CACNG4: variants seen among roughly 807,000 people sequenced by gnomAD.
The protein encoded by CACNG4 is voltage-dependent calcium channel gamma-4 subunit.
Under a neutral mutation model 22.9 loss-of-function variants are expected in CACNG4, and 8 were observed. The ratio of observed to expected loss-of-function variants is 0.35; its 90% CI spans 0.21 to 0.63. CACNG4 has a LOEUF of 0.63. Among genes scored for constraint, CACNG4 ranks in the 30% least tolerant of loss-of-function variants. The probability of loss-of-function intolerance (pLI) is 0.72; values close to 1 mark genes in which losing one functional copy is unlikely to be tolerated. For missense variants in CACNG4, 357 were observed against 455.4 expected, an observed-to-expected ratio of 0.78 and a Z score of 1.97; for synonymous variants, 188 against 191.9, an observed-to-expected ratio of 0.98 and a Z score of 0.17.
chr17:67,005,460 C>T (rs1381756319), intron 1 of CACNG4, among the ~76,000 whole-genome samples: 1 of 152,252 alleles, frequency 6.6e-6, no homozygotes, highest in Non-Finnish European at 1.5e-5. Context: ...AATCACTGCA[C>T]AGGTGCTCAC....
chr17:66,964,894 G>A lies in CACNG4; in HGVS notation c.-18G>A. On this transcript the variant is annotated 5_prime_UTR_variant, in exon 1 of 4. Coordinates refer to ENST00000262138, the MANE Select transcript of CACNG4 (RefSeq NM_014405.4). ...CGGCGGGCCGGGCCGGCGGGCGGCG[G>A]ACTATGAGGCGCCCACCATGGTGCG... is the stretch of plus-strand genomic sequence containing the variant. 2.1e-6 allele frequency: 3 copies of A among 1,452,448 alleles called. No individual in the cohort carries two copies. The highest frequency in any genetic ancestry group is 1.8e-6 in the Non-Finnish European group (2 of 1,098,104). 90.0% of individuals were successfully genotyped at this position (1,452,448 alleles called of 1,614,324 possible). A position where few individuals can be genotyped will look rare whatever the true frequency, so the allele number is the denominator to read the frequency against.
At chr17:67,023,817 T>C (rs895496178) in intron 2 of CACNG4, among the ~76,000 whole-genome samples, 59 of 152,114 alleles carry the variant, frequency 3.9e-4, no homozygotes, top group African/African-American at 1.4e-3. Flanking sequence ...CCTCAGGTGA[T>C]CTGCCTGCCT....
rs1204084303 is a variant in CACNG4, at chr17:67,014,329, G to A, written c.221-3860G>A. Among the ~76,000 whole-genome samples, 5 of 152,124 alleles carry A rather than the reference G, an allele frequency of 3.3e-5. No homozygotes were observed. In the South Asian group the frequency reaches 8.3e-4, roughly 25 times the overall value. On this transcript the variant is annotated intron_variant, in intron 1 of 3. Transcript: ENST00000262138. ...TCCTTACTAAATGCCCTAGGCCAGC[G>A]CTAACGAAATTAAATTTGACAGGGA... is the stretch of plus-strand genomic sequence containing the variant.
intron 1 of CACNG4, among the ~76,000 whole-genome samples, chr17:67,003,506 G>A (rs887450398): frequency 6.6e-6 from 1 of 152,168 alleles, no homozygotes; most frequent in Non-Finnish European, 1.5e-5. Flanking sequence ...GGGCTGAGAA[G>A]GGGAAGACTC....
At chr17:66,966,912 C>T (rs1349196478) in intron 1 of CACNG4, among the ~76,000 whole-genome samples, 10 of 152,230 alleles carry the variant, frequency 6.6e-5, no homozygotes, top group African/African-American at 2.4e-4. Context: ...CACGTCACTA[C>T]CTGCCACAGC....
chr17:67,029,618 A>G (rs1280228384), intron 3 of CACNG4, among the ~76,000 whole-genome samples: 1 of 151,244 alleles, frequency 6.6e-6, no homozygotes, highest in Admixed American at 6.6e-5. Context: ...TGGGCGACAG[A>G]GCGAGACTCT....
intron 3 of CACNG4, among the ~76,000 whole-genome samples, chr17:67,029,989 G>A (rs754430229): frequency 4.6e-5 from 7 of 152,230 alleles, no homozygotes; most frequent in Non-Finnish European, 1.0e-4. Context: ...GACATCTCCC[G>A]TAAAGGCCTG....
At chr17:67,011,465 A>T (rs1205849769) in intron 1 of CACNG4, among the ~76,000 whole-genome samples, 2 of 152,112 alleles carry the variant, frequency 1.3e-5, no homozygotes, top group Non-Finnish European at 2.9e-5. Flanking sequence ...GCCACCTAAA[A>T]TGATGCTGAT....
Position 67,031,032 on chromosome 17 carries a change from C to G in CACNG4, c.*28C>G. ...CGCCTGCCCTTTCTCTCCGCTCCAG[C>G]CTCTCCCCAGAACGGCTCTTTTTGT... On this transcript the variant is annotated 3_prime_UTR_variant, in exon 4 of 4. Transcript: ENST00000262138. This position sits in a 1 kb window ranked among gnomAD's most constrained non-coding sequence, Gnocchi z 4.0. 6.3e-7 allele frequency: 1 copy of G among 1,593,424 alleles called. No individual in the cohort carries two copies. Among genetic ancestry groups the G allele is most frequent in the Non-Finnish European group, 8.6e-7 (1 of 1,168,520 alleles).
intron 1 of CACNG4, among the ~76,000 whole-genome samples, chr17:66,974,945 A>T (rs1035291895): frequency 1.3e-5 from 2 of 151,458 alleles, no homozygotes; most frequent in East Asian, 2.0e-4. Context: ...CTGCTCTTGC[A>T]CCCCTCCCTC....
At chr17:66,978,414 G>T (rs2035251249) in intron 1 of CACNG4, among the ~76,000 whole-genome samples, 1 of 152,106 alleles carries the variant, frequency 6.6e-6, no homozygotes, top group African/African-American at 2.4e-5. Flanking sequence ...AGTGAAGATG[G>T]GTCTCAGAGG....
intron 1 of CACNG4, among the ~76,000 whole-genome samples, chr17:67,013,679 C>T (rs185043038): frequency 6.6e-6 from 1 of 152,182 alleles, no homozygotes; most frequent in East Asian, 1.9e-4. Context: ...GTGGCATGCA[C>T]CTGTAGTCCC....
chr17:67,001,790 T>C (rs568746050), intron 1 of CACNG4, among the ~76,000 whole-genome samples: 1 of 152,304 alleles, frequency 6.6e-6, no homozygotes, highest in Admixed American at 6.5e-5. Context: ...CCATAAGGAA[T>C]GGAAGGTACA....
rs934104444 is a variant in CACNG4, at chr17:67,031,729, T to C, written c.*725T>C. The C allele has an allele frequency of 2.9e-5, 13 of 455,916 alleles. No homozygotes were observed. Among genetic ancestry groups the C allele is most frequent in the African/African-American group, 2.6e-4 (13 of 49,432 alleles). 28.2% of individuals were successfully genotyped at this position (455,916 alleles called of 1,614,324 possible). ...CTCTTTGCTTCTGGAAGTTTCTGCC[T>C]CACTCAGAATGGGCAGGACAGACCC... On this transcript the variant is annotated 3_prime_UTR_variant, in exon 4 of 4. Transcript: ENST00000262138. The surrounding 1 kb of genome is among the most constrained non-coding windows in gnomAD (Gnocchi z 4.0).
rs141590823 is a variant in CACNG4, at chr17:66,984,976, C to T, written c.220+19845C>T. Among the ~76,000 whole-genome samples, 31 of 152,262 alleles carry T rather than the reference C, an allele frequency of 2.0e-4. No homozygotes were observed. The highest frequency in any genetic ancestry group is 4.1e-4 in the Non-Finnish European group (28 of 68,014). On this transcript the variant is annotated intron_variant, in intron 1 of 3. Transcript: ENST00000262138. The surrounding 1 kb of genome is among the most constrained non-coding windows in gnomAD (Gnocchi z 4.0). ...CACTGAGCTGAGCACACCAGCTCAA[C>T]GAGACCAGACCAAAGGGTGGCAGGG...
intron 1 of CACNG4, among the ~76,000 whole-genome samples, chr17:67,005,416 C>T (rs777981867): frequency 3.9e-5 from 6 of 152,208 alleles, no homozygotes; most frequent in African/African-American, 1.4e-4. Context: ...AGGCAGACGG[C>T]CCACTCCCTC....
chr17:67,002,279 G>A (rs191883761), intron 1 of CACNG4, among the ~76,000 whole-genome samples: 206 of 152,262 alleles, frequency 1.4e-3, no homozygotes, highest in African/African-American at 4.5e-3. Context: ...TCACTATCAC[G>A]AGAACAGCAT....
Position 67,027,927 on chromosome 17 carries a change from C to T in CACNG4, c.446-2539C>T, listed in dbSNP as rs924647878. On this transcript the variant is annotated intron_variant, in intron 3 of 3. Transcript: ENST00000262138. The surrounding 1 kb of genome is among the most constrained non-coding windows in gnomAD (Gnocchi z 4.3). ...CCCAGCTACTTGGGAGTCTGAGGCA[C>T]GAGAATCACCTGAACCTGGGAGGCG... 1.3e-5 allele frequency among the ~76,000 whole-genome samples: 2 copies of T among 151,538 alleles called. No homozygotes were observed. Among genetic ancestry groups the T allele is most frequent in the African/African-American group, 4.9e-5 (2 of 41,234 alleles).
intron 1 of CACNG4, among the ~76,000 whole-genome samples, chr17:66,981,969 T>G (rs1434166852): frequency 1.3e-5 from 2 of 152,238 alleles, no homozygotes; most frequent in African/African-American, 4.8e-5. Context: ...GGTCTCACTC[T>G]GTCACACAGG....
Sources: allele counts gnomAD v4.1 joint callset (sites outside exome capture counted in the v4.1 genomes callset), GRCh38; gene constraint gnomAD v4.1.1; non-coding constraint Gnocchi (gnomAD v3.1); transcripts MANE v1.5; gene names NCBI Gene and HGNC (gene_info 2026-07-23, HGNC 2026-07-21).